The following SLC2A5 variants were observed in gnomAD, a reference collection of about 807,000 sequenced individuals.
SLC2A5 encodes solute carrier family 2, facilitated glucose transporter member 5.
SLC2A5 carries 56 observed loss-of-function variants against 50.3 expected under a neutral mutation model. The observed-to-expected ratio is 1.11, with a 90% confidence interval of 0.90 to 1.39. The LOEUF (loss-of-function observed/expected upper bound fraction) is 1.39, where lower values mean the gene tolerates loss of function less well. SLC2A5 is among the 40% of genes most tolerant of loss of function. The probability of loss-of-function intolerance (pLI) is 0.00; values close to 1 mark genes in which losing one functional copy is unlikely to be tolerated. For synonymous variants in SLC2A5, 269 were observed against 281.9 expected, an observed-to-expected ratio of 0.95 and a Z score of 0.46; for missense variants, 566 against 650.1, an observed-to-expected ratio of 0.87 and a Z score of 1.41.
chr1:9,038,051 T>C (rs749367482), intron 10 of SLC2A5, 27 bp from the exon 11 acceptor site: 2 of 1,612,002 alleles, frequency 1.2e-6, no homozygotes, highest in African/African-American at 1.3e-5. Context: ...GCAGCCTCCC[T>C]GAAGGCAGAG....
intron 1 of SLC2A5, among the ~76,000 whole-genome samples, chr1:9,058,909 T>C (rs893129195): frequency 2.6e-5 from 4 of 152,122 alleles, no homozygotes; most frequent in African/African-American, 7.2e-5. Context: ...GCCTCAGTTT[T>C]GAATCTACCT....
chr1:9,058,321 C>T, intron 1 of SLC2A5, 71 bp from the exon 2 acceptor site: 5 of 1,031,942 alleles, frequency 4.8e-6, no homozygotes, highest in East Asian at 2.4e-5. Context: ...ACTTCGGTTT[C>T]GTAGAAAGAT....
chr1:9,059,050 T>C (rs567934803), intron 1 of SLC2A5, among the ~76,000 whole-genome samples: 2 of 152,092 alleles, frequency 1.3e-5, no homozygotes, highest in South Asian at 4.2e-4. Flanking sequence ...GTGAATCTGC[T>C]GTTGGAGAGA....
upstream of SLC2A5, among the ~76,000 whole-genome samples, chr1:9,089,680 G>T (rs902435202): frequency 2.6e-5 from 4 of 152,192 alleles, no homozygotes; most frequent in Non-Finnish European, 5.9e-5. Context: ...CTGGACGCTG[G>T]CCAAAGGCTT....
chr1:9,057,480 G>A lies in SLC2A5; in HGVS notation c.261C>T (p.Leu87=). 1 of 1,613,854 alleles carries A rather than the reference G, an allele frequency of 6.2e-7. No homozygotes were observed. Among genetic ancestry groups the A allele is most frequent in the Non-Finnish European group, 8.5e-7 (1 of 1,179,942 alleles). The change falls in exon 3 of 12, where the codon CTC becomes CTT. Residue 87 remains leucine, a synonymous_variant. Transcript: ENST00000377424. ...MFPFGGFIGS[L]LVGPLVNKFG... ...ATTTATTCACCAAGGGGCCGACCAG[G>A]AGGGATCCGATAAACCCTCCAAATG...
intron 3 of SLC2A5, among the ~76,000 whole-genome samples, chr1:9,054,620 A>G (rs1454502533): frequency 6.6e-6 from 1 of 152,210 alleles, no homozygotes; most frequent in African/African-American, 2.4e-5. Flanking sequence ...AAATTGTGAA[A>G]TAAATTTTAA....
chr1:9,093,044 C>T (rs1005114740), upstream of SLC2A5, among the ~76,000 whole-genome samples: 2 of 152,102 alleles, frequency 1.3e-5, no homozygotes, highest in African/African-American at 4.8e-5. Flanking sequence ...GGTCAAGCCC[C>T]ACCTCTACAA....
In SLC2A5 at chr1:9,036,186, T is replaced by G. The variant is rs1382373124; in HGVS notation, c.*1400A>C. The stretch of plus-strand genomic sequence containing the variant: ...CTTCCTCAATCTTACATGTATTTAT[T>G]TATTTGAGACAAGGTCTCATTCTGT... On this transcript the variant is annotated 3_prime_UTR_variant, in exon 12 of 12. Coordinates refer to ENST00000377424, the MANE Select transcript of SLC2A5 (RefSeq NM_003039.3). 6.6e-6 allele frequency: 1 copy of G among 152,212 alleles called. No individual in the cohort carries two copies. The highest frequency in any genetic ancestry group is 1.5e-5 in the Non-Finnish European group (1 of 68,052). 9.4% of individuals were successfully genotyped at this position (152,212 alleles called of 1,614,324 possible).
chr1:9,084,798 C>T (rs1642387462), intron 2 of SLC2A5, among the ~76,000 whole-genome samples: 1 of 152,216 alleles, frequency 6.6e-6, no homozygotes, highest in African/African-American at 2.4e-5. Flanking sequence ...GGTCTGGAAA[C>T]CAGCAACAGC....
intron 1 of SLC2A5, among the ~76,000 whole-genome samples, chr1:9,064,779 C>T (rs1342280658): frequency 2.0e-5 from 3 of 152,256 alleles, no homozygotes; most frequent in African/African-American, 2.4e-5. Context: ...AGGCCAGGCG[C>T]GGTGGCTCAC....
At chr1:9,038,732 C>T in intron 9 of SLC2A5, 96 bp downstream of exon 9, 3 of 1,470,368 alleles carry the variant, frequency 2.0e-6, no homozygotes, top group East Asian at 2.5e-5. Flanking sequence ...CTCATTGTGA[C>T]CCCTTTTATT....
At chr1:9,049,254 T>G (rs1641511544) in intron 3 of SLC2A5, 3 of 452,780 alleles carry the variant, frequency 6.6e-6, no homozygotes, top group Admixed American at 2.4e-5. Flanking sequence ...TGAGAGCCGC[T>G]TATACTAACA....
intron 8 of SLC2A5, among the ~76,000 whole-genome samples, chr1:9,039,287 C>T (rs762011037): frequency 2.0e-5 from 3 of 152,234 alleles, no homozygotes; most frequent in Admixed American, 6.5e-5. Context: ...CCGGGTAGCC[C>T]GGGCTCGGAG....
chr1:9,075,589 G>C (rs1416580516), intron 2 of SLC2A5, among the ~76,000 whole-genome samples: 1 of 152,180 alleles, frequency 6.6e-6, no homozygotes, highest in Non-Finnish European at 1.5e-5. Context: ...AAATGGTGGA[G>C]TTAGCAGGAC....
chr1:9,065,339 G>A (rs72632934), intron 1 of SLC2A5, among the ~76,000 whole-genome samples: 5,966 of 152,216 alleles, frequency 0.039, 148 homozygotes, highest in Admixed American at 0.068. Flanking sequence ...TACGATTCAA[G>A]GTCACTGGGA....
At chr1:9,076,892 C>T (rs773660791) in intron 2 of SLC2A5, among the ~76,000 whole-genome samples, 6 of 151,610 alleles carry the variant, frequency 4.0e-5, no homozygotes, top group Admixed American at 6.6e-5. Context: ...CGGGTTCAAG[C>T]GATTCTTCTG....
chr1:9,069,624 C>G lies in SLC2A5; in HGVS notation c.-88G>C. 1 of 1,487,180 alleles carries G rather than the reference C, an allele frequency of 6.7e-7. No homozygotes were observed. Among genetic ancestry groups the G allele is most frequent in the Non-Finnish European group, 9.3e-7 (1 of 1,070,062 alleles). The allele number at this position is 1,487,180 out of a possible 1,614,324, so 92.1% of individuals were successfully genotyped here. A position where few individuals can be genotyped will look rare whatever the true frequency, so the allele number is the denominator to read the frequency against. Reference sequence around the variant, plus strand: ...ATGGAGAGAGAAGACATTCTGGGTGCACTTTGGCCATGCCAAATAACAGCC... The same window carrying G: ...ATGGAGAGAGAAGACATTCTGGGTGGACTTTGGCCATGCCAAATAACAGCC... On this transcript the variant is annotated 5_prime_UTR_variant, in exon 1 of 12. Transcript: ENST00000377424.
At chr1:9,059,386 G>T (rs1392376919) in intron 1 of SLC2A5, among the ~76,000 whole-genome samples, 3 of 151,124 alleles carry the variant, frequency 2.0e-5, no homozygotes, top group Non-Finnish European at 4.4e-5. Context: ...CTCGTGATCT[G>T]CCTGCCTTGG....
chr1:9,082,712 C>T (rs560441386), intron 2 of SLC2A5: 1 of 292,962 alleles, frequency 3.4e-6, no homozygotes, highest in East Asian at 1.0e-4. Context: ...TGGGGAAAGG[C>T]TCCTATGTTT....
Sources: allele counts gnomAD v4.1 joint callset (sites outside exome capture counted in the v4.1 genomes callset), GRCh38; gene constraint gnomAD v4.1.1; transcripts MANE v1.5; gene names NCBI Gene and HGNC (gene_info 2026-07-23, HGNC 2026-07-21).